The following MTUS2 variants were observed in gnomAD, a reference collection of about 807,000 sequenced individuals.
The protein encoded by MTUS2 is microtubule-associated tumor suppressor candidate 2.
In MTUS2, 40 loss-of-function variants were observed where a neutral mutation model predicts 114.1. The ratio of observed to expected loss-of-function variants is 0.35; its 90% CI spans 0.27 to 0.46. The LOEUF (loss-of-function observed/expected upper bound fraction) is 0.46. MTUS2 is among the 20% of genes least tolerant of loss of function. The pLI is 1.00. For missense variants in MTUS2, 1,679 were observed against 1,705.4 expected (o/e 0.98, Z 0.27); for synonymous variants, 688 against 672.0 (o/e 1.02, Z -0.37).
chr13:28,978,929 T>C (rs564446240), intron 2 of MTUS2, among the ~76,000 whole-genome samples: 1 of 152,324 alleles, frequency 6.6e-6, no homozygotes, highest in African/African-American at 2.4e-5. Flanking sequence ...TACCGCTCCA[T>C]TTCACTCAAT....
intron 5 of MTUS2, among the ~76,000 whole-genome samples, chr13:29,190,992 T>G (rs1894424685): frequency 6.6e-6 from 1 of 152,124 alleles, no homozygotes; most frequent in Admixed American, 6.5e-5. Flanking sequence ...AGAGCCTTTT[T>G]GGGAACCCTG....
intron 5 of MTUS2, among the ~76,000 whole-genome samples, chr13:29,147,259 A>G (rs990719683): frequency 6.6e-6 from 1 of 152,088 alleles, no homozygotes; most frequent in African/African-American, 2.4e-5. Context: ...TCCTTGGAAA[A>G]CTTCTACAGT....
intron 2 of MTUS2, among the ~76,000 whole-genome samples, chr13:28,973,885 T>G (rs963044030): frequency 6.6e-6 from 1 of 152,196 alleles, no homozygotes; most frequent in African/African-American, 2.4e-5. Flanking sequence ...TTGATGGTGC[T>G]CTCTGCTGTC....
intron 2 of MTUS2, among the ~76,000 whole-genome samples, chr13:28,848,763 T>C (rs1221743986): frequency 6.6e-6 from 1 of 152,204 alleles, no homozygotes; most frequent in Non-Finnish European, 1.5e-5. Context: ...ATGGTCTCGA[T>C]GTCAACCTAC....
At chr13:29,268,148 G>C (rs1897737187) in intron 5 of MTUS2, among the ~76,000 whole-genome samples, 2 of 151,990 alleles carry the variant, frequency 1.3e-5, no homozygotes, top group African/African-American at 2.4e-5. Flanking sequence ...CCCTCCCCTA[G>C]TTCCCCACCC....
chr13:29,483,624 G>C (rs1171321710), intron 10 of MTUS2, among the ~76,000 whole-genome samples: 1 of 152,214 alleles, frequency 6.6e-6, no homozygotes, highest in Admixed American at 6.5e-5. Context: ...GACCCTGCTG[G>C]CTCGAGTTAA....
chr13:28,909,068 T>C (rs1207028915), intron 2 of MTUS2, among the ~76,000 whole-genome samples: 2 of 151,414 alleles, frequency 1.3e-5, no homozygotes, highest in African/African-American at 2.4e-5. Flanking sequence ...TTGGTACCAG[T>C]ACCATGCTGT....
intron 2 of MTUS2, among the ~76,000 whole-genome samples, chr13:28,873,917 A>G (rs372664726): frequency 2.8e-4 from 43 of 152,254 alleles, no homozygotes; most frequent in Non-Finnish European, 5.4e-4. Context: ...GTGTTATACT[A>G]TCATTTGGTA....
chr13:28,870,997 A>G (rs1016017545), intron 2 of MTUS2, among the ~76,000 whole-genome samples: 1 of 152,154 alleles, frequency 6.6e-6, no homozygotes, highest in African/African-American at 2.4e-5. Flanking sequence ...GCACTGGGCT[A>G]AGTGTTGGGA....
chr13:29,464,162 A>C (rs566202192), intron 9 of MTUS2, among the ~76,000 whole-genome samples: 1 of 152,310 alleles, frequency 6.6e-6, no homozygotes, highest in East Asian at 1.9e-4. Flanking sequence ...GCCTGCAAGG[A>C]GGCTGGGAAC....
chr13:28,868,174 G>A (rs73454639), intron 2 of MTUS2, among the ~76,000 whole-genome samples: 1,528 of 152,278 alleles, frequency 0.01, 28 homozygotes, highest in African/African-American at 0.035. Context: ...GAGGATTTTG[G>A]ATGTGCATTT....
intron 8 of MTUS2, among the ~76,000 whole-genome samples, chr13:29,416,751 C>T (rs1040080740): frequency 2.6e-5 from 4 of 152,130 alleles, no homozygotes; most frequent in African/African-American, 9.7e-5. Context: ...TTTTAAAATA[C>T]TGCTCTATTT....
intron 2 of MTUS2, among the ~76,000 whole-genome samples, chr13:28,991,939 C>A (rs1005170882): frequency 1.5e-4 from 23 of 152,164 alleles, no homozygotes; most frequent in Non-Finnish European, 1.8e-4. Flanking sequence ...TTGTGCAATC[C>A]TGGAGCCCAG....
chr13:29,309,809 T>G (rs1899667818), intron 6 of MTUS2, among the ~76,000 whole-genome samples: 1 of 152,148 alleles, frequency 6.6e-6, no homozygotes, highest in African/African-American at 2.4e-5. Flanking sequence ...GTGTATATAT[T>G]TATGGGGTAC....
chr13:29,173,189 T>A (rs1893633138), intron 5 of MTUS2, among the ~76,000 whole-genome samples: 1 of 152,184 alleles, frequency 6.6e-6, no homozygotes, highest in Non-Finnish European at 1.5e-5. Context: ...TCCTCAATAT[T>A]TCCTTTTTTG....
intron 8 of MTUS2, among the ~76,000 whole-genome samples, chr13:29,368,152 A>C (rs1206192441): frequency 2.0e-5 from 3 of 151,824 alleles, no homozygotes; most frequent in Non-Finnish European, 2.9e-5. Context: ...GTTAGCCAGG[A>C]TGGTCTCGAT....
chr13:29,221,081 T>C, intron 5 of MTUS2, among the ~76,000 whole-genome samples: 1 of 68,200 alleles, frequency 1.5e-5, no homozygotes, highest in African/African-American at 5.1e-5. Context: ...CCTAGAGAAT[T>C]AAGCCCTAAT....
chr13:29,499,391 GA>G (rs1205578436), intron 14 of MTUS2, among the ~76,000 whole-genome samples: 1 of 152,220 alleles, frequency 6.6e-6, no homozygotes, highest in Non-Finnish European at 1.5e-5. Flanking sequence ...TCTTGATCTG[GA>G]AATTGGCCCC....
At chr13:29,111,157 T>C (rs973148684) in intron 5 of MTUS2, among the ~76,000 whole-genome samples, 2 of 152,206 alleles carry the variant, frequency 1.3e-5, no homozygotes, top group African/African-American at 4.8e-5. Context: ...AAAATTAATA[T>C]GATAATGGTG....
Sources: allele counts gnomAD v4.1 joint callset (sites outside exome capture counted in the v4.1 genomes callset), GRCh38; gene constraint gnomAD v4.1.1; transcripts MANE v1.5; gene names NCBI Gene and HGNC (gene_info 2026-07-23, HGNC 2026-07-21).